Variants in GSG1L observed in about 807,000 individuals in gnomAD.
The protein encoded by GSG1L is GSG1 like.
Under a neutral mutation model 42.1 loss-of-function variants are expected in GSG1L, and 24 were observed. The ratio of observed to expected loss-of-function variants is 0.57; its 90% CI spans 0.41 to 0.80. GSG1L has a LOEUF of 0.80. GSG1L is among the 30% of genes least tolerant of loss of function. The pLI is 0.00. For missense variants in GSG1L, 445 were observed against 472.2 expected (o/e 0.94, Z 0.53); for synonymous variants, 215 against 203.5 (o/e 1.06, Z -0.48).
intron 2 of GSG1L, among the ~76,000 whole-genome samples, chr16:27,957,498 C>T (rs2085020115): frequency 6.6e-6 from 1 of 152,216 alleles, no homozygotes; most frequent in Non-Finnish European, 1.5e-5. Flanking sequence ...ACTGCTTATA[C>T]TGTCTTGCCA....
At chr16:27,794,272 C>G (rs1040652200) in intron 6 of GSG1L, among the ~76,000 whole-genome samples, 1 of 152,136 alleles carries the variant, frequency 6.6e-6, no homozygotes, top group African/African-American at 2.4e-5. Context: ...CCCGCCTCAG[C>G]CTCCCAAAGC....
At chr16:27,833,283 T>G (rs775215498) in intron 4 of GSG1L, among the ~76,000 whole-genome samples, 1 of 152,094 alleles carries the variant, frequency 6.6e-6, no homozygotes, top group East Asian at 1.9e-4. Flanking sequence ...TGTACCTTTG[T>G]CAAAAATTAG....
At chr16:28,033,955 A>G (rs879593363) in intron 1 of GSG1L, among the ~76,000 whole-genome samples, 9 of 152,190 alleles carry the variant, frequency 5.9e-5, no homozygotes, top group Non-Finnish European at 1.0e-4. Flanking sequence ...TCCACAGCGC[A>G]CACACACATA....
At chr16:27,806,279 A>G (rs2082961775) in intron 6 of GSG1L, among the ~76,000 whole-genome samples, 1 of 152,050 alleles carries the variant, frequency 6.6e-6, no homozygotes, top group Non-Finnish European at 1.5e-5. Context: ...CTCTTCTCCA[A>G]CAAGGCCTCC....
At chr16:28,022,227 A>G (rs900783338) in intron 1 of GSG1L, among the ~76,000 whole-genome samples, 19 of 152,154 alleles carry the variant, frequency 1.2e-4, no homozygotes, top group Admixed American at 1.3e-4. Context: ...GGGTGGTGGC[A>G]ATATTTTATT....
At chr16:27,803,793 A>AGATG (rs2082915683) in intron 6 of GSG1L, among the ~76,000 whole-genome samples, 1 of 56,108 alleles carries the variant, frequency 1.8e-5, no homozygotes, top group Non-Finnish European at 3.5e-5. Flanking sequence ...ATATATATAT[A>AGATG]TAGATAGATA....
chr16:27,803,800 G>GATATAGATATAGATATAGAT (rs1406574562), intron 6 of GSG1L, among the ~76,000 whole-genome samples: 57 of 74,240 alleles, frequency 7.7e-4, no homozygotes, highest in South Asian at 1.2e-3. Context: ...TATATAGATA[G>GATATAGATATAGATATAGAT]ATAGATATAG....
chr16:27,893,063 G>A (rs374546589), intron 2 of GSG1L, among the ~76,000 whole-genome samples: 1 of 152,106 alleles, frequency 6.6e-6, no homozygotes, highest in Non-Finnish European at 1.5e-5. Context: ...CCTCCATAAT[G>A]GTGGGGATGA....
intron 4 of GSG1L, 135 bp from the exon 5 acceptor site, chr16:27,829,091 G>A (rs2083247966): frequency 1.3e-6 from 1 of 782,374 alleles, no homozygotes; most frequent in Non-Finnish European, 2.0e-6. Context: ...CTGCCACAGA[G>A]AAGGATAAGA....
rs1034968569 is a variant in GSG1L, at chr16:28,063,039, G to A, written c.349+37C>T. 3.7e-6 allele frequency: 5 copies of A among 1,369,366 alleles called. No individual in the cohort carries two copies. Among genetic ancestry groups the A allele is most frequent in the African/African-American group, 1.5e-5 (1 of 65,568 alleles). 84.8% of individuals were successfully genotyped at this position (1,369,366 alleles called of 1,614,324 possible). On this transcript the variant is annotated intron_variant, in intron 1 of 6. Transcript: ENST00000447459. The surrounding 1 kb of genome is among the most constrained non-coding windows in gnomAD (Gnocchi z 5.8). ...TCGATGGCCGCGCCGCCCCGGGGGA[G>A]CCGGAGCCGAGCTGGCCGCCGCCCG...
intron 2 of GSG1L, among the ~76,000 whole-genome samples, chr16:27,892,107 A>G (rs151093507): frequency 1.3e-4 from 20 of 151,898 alleles, no homozygotes; most frequent in Middle Eastern, 3.4e-3. Context: ...GGTGATGTTG[A>G]TATGCAGTCC....
chr16:27,986,987 C>T (rs1374305258), intron 1 of GSG1L, among the ~76,000 whole-genome samples: 2 of 152,146 alleles, frequency 1.3e-5, no homozygotes, highest in Non-Finnish European at 1.5e-5. Flanking sequence ...GAGGCCAAGG[C>T]GGGCAGATCA....
chr16:27,986,505 CAA>C (rs59177321), intron 1 of GSG1L, among the ~76,000 whole-genome samples: 95,632 of 137,922 alleles, frequency 0.69, 33,052 homozygotes, highest in South Asian at 0.87. Context: ...GACTCCGCCT[CAA>C]AAAAAAAAAA....
chr16:27,828,863 G>A lies in GSG1L; in HGVS notation c.756C>T (p.Arg252=). Residue 252 remains arginine, a synonymous_variant, in exon 5 of 7, where the codon CGC becomes CGT. Transcript: ENST00000447459. ...CCCGGTAGCCCTGCTCAAAGACCTTGCGCTTGTGCCGGAACTCAATGACCG... is the reference window on the plus strand; with the variant it reads ...CCCGGTAGCCCTGCTCAAAGACCTTACGCTTGTGCCGGAACTCAATGACCG... The part of the protein sequence containing the change: ...TKTVIEFRHK[R]KVFEQGYREE... 6.2e-7 allele frequency: 1 copy of A among 1,614,208 alleles called. No homozygotes were observed. The highest frequency in any genetic ancestry group is 8.5e-7 in the Non-Finnish European group (1 of 1,180,038).
In GSG1L at chr16:27,996,217, C is replaced by T. The variant is rs368627103; in HGVS notation, c.350-33014G>A. 6.6e-5 allele frequency among the ~76,000 whole-genome samples: 10 copies of T among 152,078 alleles called. 1 individual carries two copies. The highest frequency in any genetic ancestry group is 5.9e-4 in the Admixed American group (9 of 15,274). On this transcript the variant is annotated intron_variant, in intron 1 of 6. Coordinates refer to ENST00000447459, the MANE Select transcript of GSG1L (RefSeq NM_001109763.2). ...CAGCCACAGGAATACTTGTAGAACC[C>T]ATATCTGAATTCTGCTCAGGAACCT...
intron 1 of GSG1L, among the ~76,000 whole-genome samples, chr16:28,052,059 T>C (rs941438782): frequency 3.9e-5 from 6 of 151,952 alleles, no homozygotes; most frequent in African/African-American, 1.5e-4. Context: ...GATTTGCCAA[T>C]AGATTAAATG....
At chr16:27,812,652 G>T (rs2140949137) in intron 5 of GSG1L, among the ~76,000 whole-genome samples, 2 of 152,228 alleles carry the variant, frequency 1.3e-5, no homozygotes, top group Non-Finnish European at 2.9e-5. Flanking sequence ...GTGCAGCCTG[G>T]GTTGAAAACC....
At chr16:27,853,060 G>A (rs907393841) in intron 3 of GSG1L, among the ~76,000 whole-genome samples, 1 of 152,162 alleles carries the variant, frequency 6.6e-6, no homozygotes, top group African/African-American at 2.4e-5. Flanking sequence ...ATTAATATCA[G>A]CCCCAGAACA....
In GSG1L at chr16:27,879,324, G is replaced by T. The variant is rs190506351; in HGVS notation, c.550+5162C>A. Among the ~76,000 whole-genome samples the T allele has an allele frequency of 7.4e-4, 112 of 152,332 alleles. 1 individual carries two copies. The highest frequency in any genetic ancestry group is 2.5e-3 in the African/African-American group (105 of 41,576). On this transcript the variant is annotated intron_variant, in intron 3 of 6. Coordinates refer to ENST00000447459, the MANE Select transcript of GSG1L (RefSeq NM_001109763.2). ...AAAATCCAAGGATGCTCAAGTCCCT[G>T]ATATAATTTGGGGCCCACGCCTGTA... is the stretch of plus-strand genomic sequence containing the variant.
Sources: allele counts gnomAD v4.1 joint callset (sites outside exome capture counted in the v4.1 genomes callset), GRCh38; gene constraint gnomAD v4.1.1; non-coding constraint Gnocchi (gnomAD v3.1); transcripts MANE v1.5; gene names NCBI Gene and HGNC (gene_info 2026-07-23, HGNC 2026-07-21).